Variants in CPEB4 observed in about 807,000 individuals in gnomAD.
The protein encoded by CPEB4 is cytoplasmic polyadenylation element binding protein 4.
CPEB4 carries 12 observed loss-of-function variants against 72.5 expected under a neutral mutation model. The ratio of observed to expected loss-of-function variants is 0.17; its 90% CI spans 0.11 to 0.27. The LOEUF (loss-of-function observed/expected upper bound fraction) is 0.27, where lower values mean the gene tolerates loss of function less well. Ranked by LOEUF, CPEB4 falls within the 10% of genes least tolerant of loss-of-function variation. The probability of loss-of-function intolerance (pLI) is 1.00; values close to 1 mark genes in which losing one functional copy is unlikely to be tolerated. For missense variants in CPEB4, 614 were observed against 908.5 expected, an observed-to-expected ratio of 0.68 and a Z score of 4.17; for synonymous variants, 302 against 326.3, an observed-to-expected ratio of 0.93 and a Z score of 0.80.
At position 173,937,169 on chromosome 5, in the gene CPEB4, AG is replaced by A. The variant is rs757657453; in HGVS notation, c.1258+4670del. Among the ~76,000 whole-genome samples, 78 of 151,822 alleles carry A rather than the reference AG, an allele frequency of 5.1e-4. 1 individual carries two copies. The highest frequency in any genetic ancestry group is 6.8e-3 in the Middle Eastern group (2 of 294). On this transcript the variant is annotated intron_variant, in intron 3 of 9. Transcript: ENST00000265085. ...GCAATTGTCCTGCCTCACCCTCCCA[AG>A]TAGCTGAGATTACAGGCACCTGCCA...
At chr5:173,902,723 G>A (rs887537546) in intron 1 of CPEB4, among the ~76,000 whole-genome samples, 3 of 152,130 alleles carry the variant, frequency 2.0e-5, no homozygotes, top group Non-Finnish European at 2.9e-5. Context: ...ATCATGGGGC[G>A]TTGACAGACA....
At chr5:173,909,844 C>T (rs1164376368) in intron 1 of CPEB4, among the ~76,000 whole-genome samples, 1 of 151,730 alleles carries the variant, frequency 6.6e-6, no homozygotes, top group Admixed American at 6.6e-5. Flanking sequence ...ACTAAAAATA[C>T]AGAAAATTAG....
intron 2 of CPEB4, among the ~76,000 whole-genome samples, chr5:173,913,175 T>A (rs1452190756): frequency 4.6e-5 from 7 of 151,488 alleles, no homozygotes; most frequent in African/African-American, 1.7e-4. Context: ...TTAGGTTAGA[T>A]AAAAGAGTTG....
intron 1 of CPEB4, among the ~76,000 whole-genome samples, chr5:173,893,751 A>G (rs1390794169): frequency 6.6e-6 from 1 of 152,152 alleles, no homozygotes; most frequent in Non-Finnish European, 1.5e-5. Flanking sequence ...GATATTAGGC[A>G]ATGTTTATTT....
In CPEB4 at chr5:173,961,415, T is replaced by C. The variant is rs1581179069; in HGVS notation, c.*5278T>C. 6.6e-6 allele frequency: 1 copy of C among 152,388 alleles called. No individual in the cohort carries two copies. The highest frequency in any genetic ancestry group is 1.9e-4 in the East Asian group (1 of 5,192). The allele number at this position is 152,388 out of a possible 1,614,324, so 9.4% of individuals were successfully genotyped here. A position where few individuals can be genotyped will look rare whatever the true frequency, so the allele number is the denominator to read the frequency against. ...AGTGAGATATCAATGATATGTGATA[T>C]AACAACTCTATCTTGAAATTACATA... On this transcript the variant is annotated 3_prime_UTR_variant, in exon 10 of 10. Transcript: ENST00000265085.
At chr5:173,910,498 G>A in intron 1 of CPEB4, 25 bp from the exon 2 acceptor site, 1 of 1,540,122 alleles carries the variant, frequency 6.5e-7, no homozygotes, top group African/African-American at 1.4e-5. Context: ...TTTAAAAAGT[G>A]GTTTGTGGCT....
chr5:173,953,902 C>T (rs1444656365), intron 9 of CPEB4, among the ~76,000 whole-genome samples: 1 of 152,034 alleles, frequency 6.6e-6, no homozygotes, highest in Non-Finnish European at 1.5e-5. Context: ...AGAGTGTGGC[C>T]TGTGGACTGA....
chr5:173,913,438 T>C (rs887418833), intron 2 of CPEB4, among the ~76,000 whole-genome samples: 1 of 152,154 alleles, frequency 6.6e-6, no homozygotes, highest in African/African-American at 2.4e-5. Context: ...CTTCAGGTGA[T>C]CCACCCACCT....
At chr5:173,894,207 C>G (rs576871404) in intron 1 of CPEB4, among the ~76,000 whole-genome samples, 2 of 151,642 alleles carry the variant, frequency 1.3e-5, no homozygotes, top group East Asian at 3.9e-4. Context: ...GTTGTCCAGG[C>G]TGGTTTCAAA....
rs905832943 is a variant in CPEB4 at position 173,958,898 on chromosome 5, G to T, written c.*2761G>T. The T allele has an allele frequency of 1.3e-5, 2 of 152,720 alleles. No homozygotes were observed. The highest frequency in any genetic ancestry group is 2.4e-5 in the African/African-American group (1 of 41,438). 9.5% of individuals were successfully genotyped at this position (152,720 alleles called of 1,614,324 possible). ...TATATATAAGGAAAAAAAATAGCCT[G>T]CCTTGGGACAGGTGTGTAATGTTAG... On this transcript the variant is annotated 3_prime_UTR_variant, in exon 10 of 10. Transcript: ENST00000265085.
chr5:173,926,839 G>C (rs1757258018), intron 2 of CPEB4, among the ~76,000 whole-genome samples: 4 of 152,148 alleles, frequency 2.6e-5, no homozygotes, highest in Admixed American at 2.6e-4. Context: ...CCCAAACCTG[G>C]ATAATGATTA....
At chr5:173,901,903 T>C (rs1756249641) in intron 1 of CPEB4, among the ~76,000 whole-genome samples, 1 of 152,184 alleles carries the variant, frequency 6.6e-6, no homozygotes. Flanking sequence ...GGTGATAGTA[T>C]AAGCTCTGTC....
chr5:173,945,170 C>T (rs1392942982), intron 5 of CPEB4, 30 bp downstream of exon 5: 1 of 1,576,860 alleles, frequency 6.3e-7, no homozygotes, highest in African/African-American at 1.3e-5. Context: ...TAGCACGGTG[C>T]CCAGATGGTG....
intron 2 of CPEB4, among the ~76,000 whole-genome samples, chr5:173,913,803 A>C (rs887712400): frequency 6.6e-6 from 1 of 152,236 alleles, no homozygotes; most frequent in Non-Finnish European, 1.5e-5. Flanking sequence ...AACGTGATGG[A>C]ATAGAAAGAC....
chr5:173,955,939 T>A lies in CPEB4; in HGVS notation c.1992T>A (p.Asp664Glu). The A allele has an allele frequency of 6.2e-7, 1 of 1,614,048 alleles. No individual in the cohort carries two copies. The highest frequency in any genetic ancestry group is 8.5e-7 in the Non-Finnish European group (1 of 1,179,934). ...RVEVKPYVLD[D>E]QLCDECQGAR... is the part of the protein sequence containing the mutation. ...AAGTTAAGCCATATGTCTTGGATGATCAGCTGTGTGATGAATGTCAGGGGG... is the reference window on the plus strand; with the variant it reads ...AAGTTAAGCCATATGTCTTGGATGAACAGCTGTGTGATGAATGTCAGGGGG... The change falls in exon 10 of 10, where the codon GAT (aspartate) becomes GAA (glutamate). Residue 664 changes from aspartate (D) to glutamate (E), a missense_variant. Asp to Glu is a conservative substitution (Grantham distance 45). Coordinates refer to ENST00000265085, the MANE Select transcript of CPEB4 (RefSeq NM_030627.4). This position sits in a 1 kb window ranked among gnomAD's most constrained non-coding sequence, Gnocchi z 4.7.
At position 173,950,147 on chromosome 5, in the gene CPEB4, C is replaced by T. The variant is rs901333658; in HGVS notation, c.1665+69C>T. ...ATTCATCTGTTATATTTGAAAAACC[C>T]ATAGACAACTTGATGTGTTTGGGGT... is the stretch of plus-strand genomic sequence containing the variant. On this transcript the variant is annotated intron_variant, in intron 7 of 9. Transcript: ENST00000265085. This position sits in a 1 kb window ranked among gnomAD's most constrained non-coding sequence, Gnocchi z 5.0. 1 of 905,140 alleles carries T rather than the reference C, an allele frequency of 1.1e-6. No individual in the cohort carries two copies. The highest frequency in any genetic ancestry group is 1.7e-6 in the Non-Finnish European group (1 of 573,302). The allele number at this position is 905,140 out of a possible 1,614,324, so 56.1% of individuals were successfully genotyped here.
chr5:173,946,786 T>C (rs1299672324), intron 5 of CPEB4, among the ~76,000 whole-genome samples: 1 of 152,162 alleles, frequency 6.6e-6, no homozygotes. Flanking sequence ...TTACCTTGCC[T>C]AGGAAAAATC....
At chr5:173,929,243 T>C (rs1330713561) in intron 2 of CPEB4, among the ~76,000 whole-genome samples, 1 of 152,196 alleles carries the variant, frequency 6.6e-6, no homozygotes, top group Non-Finnish European at 1.5e-5. Flanking sequence ...AGAGTTAATC[T>C]CATAATAGAG....
At chr5:173,892,585 T>A (rs1755850163) in intron 1 of CPEB4, among the ~76,000 whole-genome samples, 1 of 152,230 alleles carries the variant, frequency 6.6e-6, no homozygotes, top group Admixed American at 6.5e-5. Context: ...CACCTTTTTT[T>A]CTTATTTTGC....
Sources: gnomAD v4.1 joint callset for allele counts (sites outside exome capture counted in the v4.1 genomes callset) on GRCh38, gnomAD v4.1.1 for gene constraint, Gnocchi (gnomAD v3.1) non-coding constraint, MANE v1.5 for transcripts, NCBI Gene and HGNC (gene_info 2026-07-23, HGNC 2026-07-21) for gene names.